The following MYO1E variants were observed in gnomAD, a reference collection of about 807,000 sequenced individuals.
The protein encoded by MYO1E is unconventional myosin-Ie.
MYO1E carries 68 observed loss-of-function variants against 151.1 expected under a neutral mutation model. The ratio of observed to expected loss-of-function variants is 0.45; its 90% CI spans 0.37 to 0.55. MYO1E has a LOEUF of 0.55. MYO1E is among the 20% of genes least tolerant of loss of function. MYO1E has a pLI of 0.00. For missense variants in MYO1E, 1,363 were observed against 1,389.3 expected (o/e 0.98, Z 0.30); for synonymous variants, 601 against 501.7 (o/e 1.20, Z -2.64).
intron 17 of MYO1E, among the ~76,000 whole-genome samples, chr15:59,192,839 A>G (rs532549957): frequency 6.6e-6 from 1 of 152,208 alleles, no homozygotes; most frequent in African/African-American, 2.4e-5. Flanking sequence ...GTGTGTGTAC[A>G]TGTGGATGTA....
chr15:59,331,328 C>T (rs1184540902), intron 1 of MYO1E, among the ~76,000 whole-genome samples: 1 of 152,148 alleles, frequency 6.6e-6, no homozygotes, highest in Admixed American at 6.5e-5. Flanking sequence ...GCTTTTAAAT[C>T]ACAAGCACCT....
intron 4 of MYO1E, among the ~76,000 whole-genome samples, chr15:59,255,530 G>A (rs538536541): frequency 6.6e-6 from 1 of 152,244 alleles, no homozygotes; most frequent in South Asian, 2.1e-4. Flanking sequence ...TAGTATCTGG[G>A]ATTAGAGGCG....
intron 1 of MYO1E, among the ~76,000 whole-genome samples, chr15:59,309,085 G>C (rs1434567614): frequency 1.3e-5 from 2 of 151,996 alleles, no homozygotes; most frequent in African/African-American, 4.8e-5. Flanking sequence ...CTGCACTCCA[G>C]CCTGGGTGAC....
rs377311336 is a variant in MYO1E at position 59,193,959 on chromosome 15, G to A, written c.1805+1502C>T. 3.4e-3 allele frequency among the ~76,000 whole-genome samples: 517 copies of A among 152,240 alleles called. 6 individuals carry two copies. The highest frequency in any genetic ancestry group is 0.011 in the African/African-American group (475 of 41,550). On this transcript the variant is annotated intron_variant, in intron 17 of 27. Coordinates refer to ENST00000288235, the MANE Select transcript of MYO1E (RefSeq NM_004998.4). Reference sequence around the variant, plus strand: ...TGGGAGGCCGAGGCAGTTGGATCACGAAGTCAGGAGTTCAAAACCAGCCTG... The same window carrying A: ...TGGGAGGCCGAGGCAGTTGGATCACAAAGTCAGGAGTTCAAAACCAGCCTG...
chr15:59,175,400 C>G (rs2079618648), intron 19 of MYO1E, among the ~76,000 whole-genome samples: 3 of 152,212 alleles, frequency 2.0e-5, no homozygotes, highest in Non-Finnish European at 2.9e-5. Flanking sequence ...GGCAGCTGGG[C>G]TTGATTTGTT....
intron 5 of MYO1E, among the ~76,000 whole-genome samples, chr15:59,232,820 A>G (rs1555413146): frequency 3.3e-5 from 5 of 152,206 alleles, no homozygotes; most frequent in Non-Finnish European, 5.9e-5. Context: ...ATGAACTACT[A>G]ACTGACTATG....
chr15:59,230,523 T>C (rs1473445420), intron 6 of MYO1E, among the ~76,000 whole-genome samples: 1 of 152,158 alleles, frequency 6.6e-6, no homozygotes, highest in Non-Finnish European at 1.5e-5. Context: ...AAGATTTAGA[T>C]TGAAAATTAA....
intron 26 of MYO1E, among the ~76,000 whole-genome samples, chr15:59,141,580 C>A (rs2079409476): frequency 6.6e-6 from 1 of 151,990 alleles, no homozygotes; most frequent in Non-Finnish European, 1.5e-5. Context: ...GGGTGGATCA[C>A]CTGAAGTCAG....
At chr15:59,272,897 T>TC (rs1566998581) in intron 1 of MYO1E, among the ~76,000 whole-genome samples, 1 of 152,244 alleles carries the variant, frequency 6.6e-6, no homozygotes, top group Non-Finnish European at 1.5e-5. Context: ...CTTTCTAGTC[T>TC]TGTTTTGCAA....
intron 1 of MYO1E, among the ~76,000 whole-genome samples, chr15:59,289,523 T>C (rs1485253257): frequency 6.6e-6 from 1 of 152,224 alleles, no homozygotes; most frequent in Non-Finnish European, 1.5e-5. Context: ...GACCCCACTT[T>C]GGAGATCTCT....
chr15:59,199,685 T>A (rs1442319029), intron 16 of MYO1E, among the ~76,000 whole-genome samples: 13 of 152,220 alleles, frequency 8.5e-5, no homozygotes, highest in African/African-American at 2.9e-4. Context: ...TCAGTTTAAA[T>A]TTTTAAATAA....
chr15:59,314,862 G>A (rs1464773369), intron 1 of MYO1E, among the ~76,000 whole-genome samples: 1 of 152,120 alleles, frequency 6.6e-6, no homozygotes, highest in Non-Finnish European at 1.5e-5. Flanking sequence ...TAGAGGGGCT[G>A]AGGAGGAGGC....
chr15:59,144,800 G>A (rs143691278), intron 26 of MYO1E, among the ~76,000 whole-genome samples: 2 of 152,252 alleles, frequency 1.3e-5, no homozygotes, highest in Non-Finnish European at 2.9e-5. Context: ...TCTCCTCTGC[G>A]TCACTAGGTG....
Position 59,135,250 on chromosome 15 carries a change from G to A in MYO1E, c.*2130C>T, listed in dbSNP as rs2079365492. ...GGGGGTTTAACTCAGTCCCTGTTTT[G>A]TGACCTAGAGCCCGATGGTTCCCAG... On this transcript the variant is annotated 3_prime_UTR_variant, in exon 28 of 28. Transcript: ENST00000288235. 1 of 152,188 alleles carries A rather than the reference G, an allele frequency of 6.6e-6. No individual in the cohort carries two copies. The highest frequency in any genetic ancestry group is 1.5e-5 in the Non-Finnish European group (1 of 68,048). The allele number at this position is 152,188 out of a possible 1,614,324, so 9.4% of individuals were successfully genotyped here. A position where few individuals can be genotyped will look rare whatever the true frequency, so the allele number is the denominator to read the frequency against.
chr15:59,263,910 A>C (rs1413960358), intron 2 of MYO1E, among the ~76,000 whole-genome samples: 1 of 152,196 alleles, frequency 6.6e-6, no homozygotes, highest in Non-Finnish European at 1.5e-5. Context: ...ACATACATGT[A>C]CTGTTAAAAT....
chr15:59,314,041 G>C (rs1596412953), intron 1 of MYO1E, among the ~76,000 whole-genome samples: 1 of 152,202 alleles, frequency 6.6e-6, no homozygotes, highest in East Asian at 1.9e-4. Flanking sequence ...TTCAGGCCTG[G>C]GCTGAGTCTG....
intron 1 of MYO1E, among the ~76,000 whole-genome samples, chr15:59,355,428 T>C (rs2140437442): frequency 6.6e-6 from 1 of 152,238 alleles, no homozygotes; most frequent in East Asian, 1.9e-4. Context: ...CGTGGGAGGC[T>C]ATTTCTTTTA....
chr15:59,200,990 G>A (rs1382785421), intron 16 of MYO1E, among the ~76,000 whole-genome samples: 1 of 152,124 alleles, frequency 6.6e-6, no homozygotes, highest in Non-Finnish European at 1.5e-5. Flanking sequence ...TAAAACTGAG[G>A]AAGTATTCAG....
In MYO1E at chr15:59,136,145, G is replaced by A. The variant is rs2140296986; in HGVS notation, c.*1235C>T. The A allele has an allele frequency of 6.5e-6, 1 of 152,690 alleles. No individual in the cohort carries two copies. Among genetic ancestry groups the A allele is most frequent in the East Asian group, 1.9e-4 (1 of 5,194 alleles). The allele number at this position is 152,690 out of a possible 1,614,324, so 9.5% of individuals were successfully genotyped here. ...TTTCACATGGTCTTTCCTCTGGCATGTTGGTCTCTGTGTCCAAATTTCCCC... is the reference window on the plus strand; with the variant it reads ...TTTCACATGGTCTTTCCTCTGGCATATTGGTCTCTGTGTCCAAATTTCCCC... On this transcript the variant is annotated 3_prime_UTR_variant, in exon 28 of 28. Coordinates refer to ENST00000288235, the MANE Select transcript of MYO1E (RefSeq NM_004998.4).
Sources: allele counts gnomAD v4.1 joint callset (sites outside exome capture counted in the v4.1 genomes callset), GRCh38; gene constraint gnomAD v4.1.1; transcripts MANE v1.5; gene names NCBI Gene and HGNC (gene_info 2026-07-23, HGNC 2026-07-21).